The following ZFX variants were observed in gnomAD, a reference collection of about 807,000 sequenced individuals.
The protein encoded by ZFX is zinc finger protein X-linked, also known as zinc finger X-chromosomal protein.
For synonymous variants in ZFX, 196 were observed against 226.8 expected (o/e 0.86, Z 1.22); for missense variants, 362 against 628.3 (o/e 0.58, Z 4.53).
At chrX:24,181,128 G>T (rs1454767617) in intron 5 of ZFX, among the ~76,000 whole-genome samples, 2 of 112,203 alleles carry the variant, frequency 1.8e-5, no homozygotes, top group Non-Finnish European at 3.8e-5. Flanking sequence ...TTAATATACT[G>T]GAGTCCACCA....
Position 24,210,570 on chromosome X carries a change from CT to C in ZFX, c.1613del (p.Leu538ProfsTer30). The stretch of plus-strand genomic sequence containing the variant: ...TGAACAAGGGTTATTGAATCGCCAC[CT>C]CTTGGCAGTCCACAGCAAGAACTTT... ...TAEQGLLNRH[L>X]LAVHSKNFPH... is the part of the protein sequence containing the mutation. On this transcript the variant is annotated frameshift_variant, in exon 10 of 10. Coordinates refer to ENST00000304543, the MANE Select transcript of ZFX (RefSeq NM_003410.4). LOFTEE classifies it high-confidence loss of function. 8.3e-7 allele frequency: 1 copy of C among 1,211,930 alleles called. No individual in the cohort carries two copies. The highest frequency in any genetic ancestry group is 1.1e-6 in the Non-Finnish European group (1 of 895,616).
In ZFX at chrX:24,208,297, C is replaced by T. The variant is rs761497679; in HGVS notation, c.1020C>T (p.Ala340=). 2.7e-5 allele frequency: 33 copies of T among 1,209,750 alleles called. No individual in the cohort carries two copies. The South Asian group carries it at 4.4e-4, about 16-fold the overall frequency. The change falls in exon 8 of 10, where the codon GCC becomes GCT. Residue 340 remains alanine, a synonymous_variant. Coordinates refer to ENST00000304543, the MANE Select transcript of ZFX (RefSeq NM_003410.4). ...ATGCTGCAGCAGCAGCGGCAGCCGC[C>T]GCCGTGCACGAGCAGCAAATGGATG... ...EEDAAAAAAA[A]AVHEQQMDDN... is the part of the protein sequence containing the mutation.
At chrX:24,178,175 C>T (rs367991695) in intron 4 of ZFX, among the ~76,000 whole-genome samples, 2 of 111,636 alleles carry the variant, frequency 1.8e-5, no homozygotes, top group East Asian at 5.6e-4. Context: ...TGTGATCCAC[C>T]TGCCTTGGCC....
chrX:24,183,001 G>T (rs1244982957), intron 5 of ZFX, among the ~76,000 whole-genome samples: 1 of 111,644 alleles, frequency 9.0e-6, no homozygotes, highest in Non-Finnish European at 1.9e-5. Context: ...GAGCTATTTT[G>T]TCTGTGAAGC....
intron 6 of ZFX, 114 bp from the exon 7 acceptor site, chrX:24,207,598 G>C: frequency 9.0e-7 from 1 of 1,111,137 alleles, no homozygotes; most frequent in Non-Finnish European, 1.2e-6. Context: ...TAAGAATTCC[G>C]GTGTAGTAAT....
At chrX:24,185,113 G>A (rs1343871090) in intron 5 of ZFX, among the ~76,000 whole-genome samples, 4 of 111,651 alleles carry the variant, frequency 3.6e-5, no homozygotes, top group East Asian at 2.8e-4. Context: ...CACCACACCC[G>A]CCTAATTTTT....
intron 5 of ZFX, among the ~76,000 whole-genome samples, chrX:24,199,137 A>G (rs1937118807): frequency 9.0e-6 from 1 of 111,613 alleles, no homozygotes; most frequent in African/African-American, 3.3e-5. Flanking sequence ...TAAATCACAG[A>G]GAGTGAGCAT....
intron 3 of ZFX, among the ~76,000 whole-genome samples, chrX:24,153,051 T>G (rs1270770551): frequency 8.9e-6 from 1 of 112,308 alleles, no homozygotes; most frequent in Non-Finnish European, 1.9e-5. Context: ...TACAAATTTT[T>G]TTTTCCACAT....
chrX:24,179,209 G>A lies in ZFX; in HGVS notation c.85G>A (p.Asp29Asn), dbSNP rs1935450403. 14 of 1,211,135 alleles carry A rather than the reference G, an allele frequency of 1.2e-5. No homozygotes were observed. The highest frequency in any genetic ancestry group is 1.6e-5 in the Non-Finnish European group (14 of 895,129). Reference sequence around the variant, plus strand: ...AGCTGATGGTACACACATGGATGGTGATCAAATTGTTGTGGAAGTACAAGA... The same window carrying A: ...AGCTGATGGTACACACATGGATGGTAATCAAATTGTTGTGGAAGTACAAGA... Reference protein sequence around the residue: ...TGADGTHMDGDQIVVEVQETV... With the variant: ...TGADGTHMDGNQIVVEVQETV... The change falls in exon 5 of 10, where the codon GAT becomes AAT. Residue 29 changes from aspartate to asparagine, a missense_variant. Asp to Asn is a conservative substitution (Grantham distance 23, BLOSUM62 1). Transcript: ENST00000304543.
At chrX:24,156,400 A>G (rs1273476960) in intron 3 of ZFX, among the ~76,000 whole-genome samples, 1 of 110,526 alleles carries the variant, frequency 9.0e-6, no homozygotes, top group Non-Finnish European at 1.9e-5. Context: ...CCCTTACCCC[A>G]AGGTTGTAAT....
chrX:24,163,364 GTTTTTTTTTT>G (rs66467960), intron 3 of ZFX, among the ~76,000 whole-genome samples: 9 of 19,049 alleles, frequency 4.7e-4, no homozygotes, highest in Non-Finnish European at 7.4e-4. Context: ...TTTTTGTTAG[GTTTTTTTTTT>G]TTTTTTTTTT....
chrX:24,161,449 G>C (rs1197172545), intron 3 of ZFX, among the ~76,000 whole-genome samples: 1 of 111,770 alleles, frequency 8.9e-6, no homozygotes, highest in Non-Finnish European at 1.9e-5. Context: ...AGGCAATCTT[G>C]AGAAAAAGTT....
At chrX:24,160,098 G>A (rs780192941) in intron 3 of ZFX, among the ~76,000 whole-genome samples, 1 of 109,648 alleles carries the variant, frequency 9.1e-6, no homozygotes, top group South Asian at 3.8e-4. Flanking sequence ...TTTTAACATA[G>A]TTATTTTTAT....
chrX:24,186,653 A>G (rs1936138377), intron 5 of ZFX, among the ~76,000 whole-genome samples: 1 of 111,118 alleles, frequency 9.0e-6, no homozygotes, highest in Non-Finnish European at 1.9e-5. Flanking sequence ...AAAAAACCAC[A>G]CAAAACAACA....
chrX:24,154,472 A>AT (rs1932581018), intron 3 of ZFX, among the ~76,000 whole-genome samples: 1 of 112,155 alleles, frequency 8.9e-6, no homozygotes, highest in African/African-American at 3.2e-5. Flanking sequence ...TATCCATGTA[A>AT]TGTGTTTAGT....
chrX:24,171,534 A>G (rs952528041), intron 3 of ZFX, among the ~76,000 whole-genome samples: 1 of 111,340 alleles, frequency 9.0e-6, no homozygotes, highest in Admixed American at 9.6e-5. Flanking sequence ...ACATTTTTGA[A>G]CAGAGGAATG....
intron 5 of ZFX, among the ~76,000 whole-genome samples, chrX:24,195,864 G>C (rs1301248263): frequency 1.8e-5 from 2 of 112,209 alleles, no homozygotes; most frequent in Non-Finnish European, 3.8e-5. Context: ...TGACAATTTT[G>C]CTCACTTTTG....
intron 5 of ZFX, among the ~76,000 whole-genome samples, chrX:24,181,297 T>TA (rs1260180528): frequency 2.7e-5 from 3 of 112,182 alleles, no homozygotes; most frequent in African/African-American, 9.7e-5. Context: ...GTAGCGTAGA[T>TA]ACAGATATGT....
chrX:24,178,392 C>T (rs1265879851), intron 4 of ZFX, among the ~76,000 whole-genome samples: 1 of 106,129 alleles, frequency 9.4e-6, no homozygotes, highest in Admixed American at 1.0e-4. Context: ...GGGTTCACGC[C>T]ATTCTCCTGC....
Sources: gnomAD v4.1 joint callset for allele counts (sites outside exome capture counted in the v4.1 genomes callset) on GRCh38, gnomAD v4.1.1 for gene constraint, MANE v1.5 for transcripts, NCBI Gene and HGNC (gene_info 2026-07-23, HGNC 2026-07-21) for gene names.